DDC: variants seen among roughly 807,000 people sequenced by gnomAD.
The protein encoded by DDC is aromatic-L-amino-acid decarboxylase.
Under a neutral mutation model 60.0 loss-of-function variants are expected in DDC, and 43 were observed. That is an observed-to-expected ratio of 0.72 (90% confidence interval 0.56 to 0.92). The LOEUF (loss-of-function observed/expected upper bound fraction) is 0.92. Ranked by LOEUF, DDC falls within the 40% of genes least tolerant of loss-of-function variation. The probability of loss-of-function intolerance (pLI) is 0.00; values close to 1 mark genes in which losing one functional copy is unlikely to be tolerated. For synonymous variants in DDC, 232 were observed against 234.6 expected (o/e 0.99, Z 0.10); for missense variants, 573 against 620.2 (o/e 0.92, Z 0.81).
rs1003751241 is a variant in DDC at position 50,470,127 on chromosome 7, C to T, written c.1086G>A (p.Met362Ile). Residue 362 changes from methionine (M) to isoleucine (I), a missense_variant, in exon 12 of 15, where the codon ATG (methionine) becomes ATA (isoleucine). By Grantham distance (10) the Met-to-Ile change is conservative (BLOSUM62 1). Transcript: ENST00000444124. ...PLGRRFRSLKMWFVFRMYGVK... is the reference protein window; with the variant it reads ...PLGRRFRSLKIWFVFRMYGVK... ...CTCCATACATCCTAAATACAAACCACATTTTCAAAGAGCGAAATCTTCTGC... is the reference window on the plus strand; with the variant it reads ...CTCCATACATCCTAAATACAAACCATATTTTCAAAGAGCGAAATCTTCTGC... 6.2e-7 allele frequency: 1 copy of T among 1,613,774 alleles called. No individual in the cohort carries two copies. Among genetic ancestry groups the T allele is most frequent in the Non-Finnish European group, 8.5e-7 (1 of 1,179,788 alleles).
chr7:50,511,987 A>C (rs557141183), intron 6 of DDC, among the ~76,000 whole-genome samples: 2 of 152,226 alleles, frequency 1.3e-5, no homozygotes, highest in Admixed American at 1.3e-4. Context: ...AAATCTCATA[A>C]ATCACCACTA....
intron 11 of DDC, among the ~76,000 whole-genome samples, chr7:50,470,599 A>G (rs1188115870): frequency 6.6e-6 from 1 of 152,132 alleles, no homozygotes; most frequent in East Asian, 1.9e-4. Context: ...GGGAGCCAGA[A>G]CCTGCTCTTG....
chr7:50,561,385 C>T (rs969052788), intron 1 of DDC, among the ~76,000 whole-genome samples: 1 of 152,118 alleles, frequency 6.6e-6, no homozygotes, highest in Non-Finnish European at 1.5e-5. Flanking sequence ...AGGCTCCACT[C>T]CAAGGGTGAG....
At chr7:50,536,354 CA>C (rs2044411118) in intron 4 of DDC, among the ~76,000 whole-genome samples, 1 of 152,198 alleles carries the variant, frequency 6.6e-6, no homozygotes, top group African/African-American at 2.4e-5. Flanking sequence ...AAGCTGTGCC[CA>C]ACCACCTTGG....
intron 8 of DDC, among the ~76,000 whole-genome samples, chr7:50,496,082 A>C (rs150226976): frequency 7.3e-5 from 11 of 151,420 alleles, no homozygotes; most frequent in African/African-American, 2.4e-4. Flanking sequence ...CATTTACCTA[A>C]ATGCTTCTCT....
chr7:50,525,494 T>C (rs894175085), intron 6 of DDC, among the ~76,000 whole-genome samples: 2 of 152,332 alleles, frequency 1.3e-5, no homozygotes, highest in East Asian at 1.9e-4. Flanking sequence ...CCAGGCACAG[T>C]GGCTCACTCC....
chr7:50,526,386 C>T lies in DDC; in HGVS notation c.714+1751G>A, dbSNP rs527285025. Among the ~76,000 whole-genome samples, 7 of 152,206 alleles carry T rather than the reference C, an allele frequency of 4.6e-5. 1 individual carries two copies. The South Asian group carries it at 1.5e-3, about 32-fold the overall frequency. On this transcript the variant is annotated intron_variant, in intron 6 of 14. Coordinates refer to ENST00000444124, the MANE Select transcript of DDC (RefSeq NM_001082971.2). ...AGTGAAGGCACAGTAAAGACACTTT[C>T]AGATTAACAAAACTGAGATAATTCA...
intron 9 of DDC, chr7:50,492,638 C>A: frequency 8.7e-7 from 1 of 1,145,372 alleles, no homozygotes. Flanking sequence ...ACACCGCAGG[C>A]CTCTCTTGTG....
chr7:50,477,942 C>T (rs1472855019), intron 10 of DDC, among the ~76,000 whole-genome samples: 1 of 152,056 alleles, frequency 6.6e-6, no homozygotes, highest in Non-Finnish European at 1.5e-5. Flanking sequence ...TGGCTCACAC[C>T]TGTAATCCCA....
At chr7:50,483,042 A>G (rs1333811295) in intron 9 of DDC, among the ~76,000 whole-genome samples, 1 of 151,924 alleles carries the variant, frequency 6.6e-6, no homozygotes, top group East Asian at 1.9e-4. Context: ...AGGAAAGTCC[A>G]GTGTTGAATA....
chr7:50,554,479 C>T (rs1563052758), intron 1 of DDC, among the ~76,000 whole-genome samples: 1 of 152,264 alleles, frequency 6.6e-6, no homozygotes. Flanking sequence ...TTCCTCAGCT[C>T]CTTCCTTCCT....
chr7:50,513,329 A>G (rs1036935053), intron 6 of DDC, among the ~76,000 whole-genome samples: 2 of 152,194 alleles, frequency 1.3e-5, no homozygotes, highest in African/African-American at 4.8e-5. Context: ...GGCACTGGGA[A>G]CTCACTGGGT....
intron 1 of DDC, among the ~76,000 whole-genome samples, chr7:50,551,822 G>A (rs1044175276): frequency 1.3e-5 from 2 of 151,992 alleles, no homozygotes; most frequent in East Asian, 3.9e-4. Context: ...TTTTCTTCAG[G>A]ACTTGTACCT....
intron 9 of DDC, among the ~76,000 whole-genome samples, chr7:50,481,295 A>G (rs2042762262): frequency 6.6e-6 from 1 of 152,188 alleles, no homozygotes; most frequent in African/African-American, 2.4e-5. Flanking sequence ...GTGGAAGAAA[A>G]TTGCACCTAA....
chr7:50,511,296 C>CT (rs891701287), intron 6 of DDC, among the ~76,000 whole-genome samples: 45 of 131,212 alleles, frequency 3.4e-4, no homozygotes, highest in African/African-American at 1.2e-3. Context: ...TACTATGCGA[C>CT]TTTTTTTAAC....
chr7:50,534,551 C>T (rs1045258806), intron 4 of DDC, among the ~76,000 whole-genome samples: 1 of 151,666 alleles, frequency 6.6e-6, no homozygotes, highest in African/African-American at 2.4e-5. Context: ...GAGCTGAGAT[C>T]GTGCCACTGC....
At chr7:50,557,899 T>C (rs1261558784) in intron 1 of DDC, among the ~76,000 whole-genome samples, 2 of 152,260 alleles carry the variant, frequency 1.3e-5, no homozygotes, top group African/African-American at 4.8e-5. Flanking sequence ...TCCATCTCTG[T>C]AAGCTTTGCT....
intron 6 of DDC, among the ~76,000 whole-genome samples, chr7:50,521,728 C>G (rs1365568278): frequency 6.6e-6 from 1 of 152,100 alleles, no homozygotes; most frequent in African/African-American, 2.4e-5. Flanking sequence ...AATAAAAACT[C>G]CTAGCAAACT....
intron 4 of DDC, among the ~76,000 whole-genome samples, chr7:50,530,603 C>T (rs1380024009): frequency 2.0e-5 from 3 of 152,130 alleles, no homozygotes; most frequent in African/African-American, 4.8e-5. Flanking sequence ...GAGAGGTTCA[C>T]TAACTTGCCC....
Sources: gnomAD v4.1 joint callset for allele counts (sites outside exome capture counted in the v4.1 genomes callset) on GRCh38, gnomAD v4.1.1 for gene constraint, MANE v1.5 for transcripts, NCBI Gene and HGNC (gene_info 2026-07-23, HGNC 2026-07-21) for gene names.